The following SRSF6 variants were observed in gnomAD, a reference collection of about 807,000 sequenced individuals.
SRSF6 encodes the protein serine and arginine rich splicing factor 6, also known as serine/arginine-rich splicing factor 6.
In SRSF6, 17 loss-of-function variants were observed where a neutral mutation model predicts 42.0. That is an observed-to-expected ratio of 0.40 (90% CI 0.28 to 0.61). The LOEUF (loss-of-function observed/expected upper bound fraction) is 0.61, where lower values mean the gene tolerates loss of function less well. SRSF6 is among the 20% of genes least tolerant of loss of function. SRSF6 has a pLI of 0.37. For missense variants in SRSF6, 379 were observed against 471.4 expected (o/e 0.80, Z 1.81); for synonymous variants, 204 against 166.7 (o/e 1.22, Z -1.72).
In SRSF6 at chr20:43,462,510, T is replaced by C. The variant is rs1478029747; in HGVS notation, c.*1447T>C. The C allele has an allele frequency of 6.6e-6, 1 of 152,216 alleles. No homozygotes were observed. The highest frequency in any genetic ancestry group is 1.5e-5 in the Non-Finnish European group (1 of 68,048). 9.4% of individuals were successfully genotyped at this position (152,216 alleles called of 1,614,324 possible). A position where few individuals can be genotyped will look rare whatever the true frequency, so the allele number is the denominator to read the frequency against. On this transcript the variant is annotated 3_prime_UTR_variant, in exon 6 of 6. Transcript: ENST00000244020. The stretch of plus-strand genomic sequence containing the variant: ...TGTCACAATGTAGGGTACCAAGGGT[T>C]GGATTGTGATGGGGCATGGTCGTAC...
rs368218304 is a variant in SRSF6, at chr20:43,460,858, G to C, written c.830G>C (p.Arg277Pro). 3 of 1,614,064 alleles carry C rather than the reference G, an allele frequency of 1.9e-6. No homozygotes were observed. The highest frequency in any genetic ancestry group is 2.5e-6 in the Non-Finnish European group (3 of 1,180,040). ...DEYEKSRSRSRSRSPKENGKG... is the reference protein window; with the variant it reads ...DEYEKSRSRSPSRSPKENGKG... Reference sequence around the variant, plus strand: ...TATGAGAAATCTCGAAGCAGGTCTCGGTCCCGATCCCCTAAAGAAAATGGA... The same window carrying C: ...TATGAGAAATCTCGAAGCAGGTCTCCGTCCCGATCCCCTAAAGAAAATGGA... Residue 277 changes from arginine to proline, a missense_variant, in exon 6 of 6, where the codon CGG becomes CCG. This residue lies in a region of SRSF6 where 219 missense variants were observed against 216.1 expected (regional missense o/e 1.01). Coordinates refer to ENST00000244020, the MANE Select transcript of SRSF6 (RefSeq NM_006275.6).
intron 2 of SRSF6, 143 bp downstream of exon 2, chr20:43,458,652 G>C: frequency 1.2e-6 from 1 of 862,840 alleles, no homozygotes; most frequent in Non-Finnish European, 1.6e-6. Flanking sequence ...CTTCACGTCT[G>C]CCCGGGGCAG....
rs190033787 is a variant in SRSF6 at position 43,464,055 on chromosome 20, A to G, written c.*2992A>G. The G allele has an allele frequency of 6.6e-6, 1 of 152,338 alleles. No individual in the cohort carries two copies. Among genetic ancestry groups the G allele is most frequent in the East Asian group, 1.9e-4 (1 of 5,190 alleles). 9.4% of individuals were successfully genotyped at this position (152,338 alleles called of 1,614,324 possible). A position where few individuals can be genotyped will look rare whatever the true frequency, so the allele number is the denominator to read the frequency against. On this transcript the variant is annotated 3_prime_UTR_variant, in exon 6 of 6. Coordinates refer to ENST00000244020, the MANE Select transcript of SRSF6 (RefSeq NM_006275.6). ...GTTCATGCCCTGAGTAGTAGTCTGC[A>G]GTTTGCTTTAATACATGGTAATACA...
chr20:43,458,161 C>G, intron 1 of SRSF6, 21 bp downstream of exon 1: 2 of 1,603,670 alleles, frequency 1.2e-6, no homozygotes, highest in Non-Finnish European at 1.7e-6. Flanking sequence ...CCTGGGCGCC[C>G]GCGCCCAGCG....
In SRSF6 at chr20:43,461,337, GTTTTTTTTTTTTT is replaced by G. The variant is rs57110045; in HGVS notation, c.*299_*311del. The G allele has an allele frequency of 1.1e-3, 47 of 43,832 alleles. 1 individual carries two copies. The highest frequency in any genetic ancestry group is 3.4e-3 in the East Asian group (4 of 1,160). 2.7% of individuals were successfully genotyped at this position (43,832 alleles called of 1,614,324 possible). A position where few individuals can be genotyped will look rare whatever the true frequency, so the allele number is the denominator to read the frequency against. The stretch of plus-strand genomic sequence containing the variant: ...GTAAAGATTAAGCTCATTTAGTGTT[GTTTTTTTTTTTTT>G]TTTTTTTTTTTTTTTTTTTTTTTTA... On this transcript the variant is annotated 3_prime_UTR_variant, in exon 6 of 6. Transcript: ENST00000244020.
chr20:43,461,353 T>G lies in SRSF6; in HGVS notation c.*290T>G, dbSNP rs1418408343. On this transcript the variant is annotated 3_prime_UTR_variant, in exon 6 of 6. Coordinates refer to ENST00000244020, the MANE Select transcript of SRSF6 (RefSeq NM_006275.6). ...TTTAGTGTTGTTTTTTTTTTTTTTTTTTTTTTTTTTTTTTTTTTTTTAGTA... is the reference window on the plus strand; with the variant it reads ...TTTAGTGTTGTTTTTTTTTTTTTTTGTTTTTTTTTTTTTTTTTTTTTAGTA... 261 of 239,108 alleles carry G rather than the reference T, an allele frequency of 1.1e-3. 3 individuals are homozygous for G. The highest frequency in any genetic ancestry group is 6.1e-3 in the African/African-American group (235 of 38,518). 14.8% of individuals were successfully genotyped at this position (239,108 alleles called of 1,614,324 possible). A position where few individuals can be genotyped will look rare whatever the true frequency, so the allele number is the denominator to read the frequency against.
rs2017612666 is a variant in SRSF6 at position 43,462,122 on chromosome 20, A to G, written c.*1059A>G. ...CCACCCAGTAGTCAGTCCCCTTTGT[A>G]GTTAGTGGGATTATTTGATAATTGG... On this transcript the variant is annotated 3_prime_UTR_variant, in exon 6 of 6. Transcript: ENST00000244020. The G allele has an allele frequency of 6.6e-6, 1 of 152,194 alleles. No homozygotes were observed. Among genetic ancestry groups the G allele is most frequent in the Admixed American group, 6.5e-5 (1 of 15,272 alleles). 9.4% of individuals were successfully genotyped at this position (152,194 alleles called of 1,614,324 possible). A position where few individuals can be genotyped will look rare whatever the true frequency, so the allele number is the denominator to read the frequency against.
rs1199944944 is a variant in SRSF6, at chr20:43,461,839, A to G, written c.*776A>G. The G allele has an allele frequency of 6.6e-6, 1 of 152,466 alleles. No individual in the cohort carries two copies. The highest frequency in any genetic ancestry group is 2.1e-4 in the South Asian group (1 of 4,834). The allele number at this position is 152,466 out of a possible 1,614,324, so 9.4% of individuals were successfully genotyped here. On this transcript the variant is annotated 3_prime_UTR_variant, in exon 6 of 6. Transcript: ENST00000244020. ...AGTAATGGAACTTTTTTCAAAGGCA[A>G]ATTTAAACTATTTAAGAAATAGCTC...
Position 43,461,135 on chromosome 20 carries a change from C to T in SRSF6, c.*72C>T. Reference sequence around the variant, plus strand: ...AGGCAGTTACTCTTCCATGTTTATACTTGGCCTCTTCTGCAAGAGGAATCT... The same window carrying T: ...AGGCAGTTACTCTTCCATGTTTATATTTGGCCTCTTCTGCAAGAGGAATCT... On this transcript the variant is annotated 3_prime_UTR_variant, in exon 6 of 6. Coordinates refer to ENST00000244020, the MANE Select transcript of SRSF6 (RefSeq NM_006275.6). 1 of 1,476,890 alleles carries T rather than the reference C, an allele frequency of 6.8e-7. No homozygotes were observed. The highest frequency in any genetic ancestry group is 9.0e-7 in the Non-Finnish European group (1 of 1,116,404). The allele number at this position is 1,476,890 out of a possible 1,614,324, so 91.5% of individuals were successfully genotyped here. A position where few individuals can be genotyped will look rare whatever the true frequency, so the allele number is the denominator to read the frequency against.
intron 2 of SRSF6, 74 bp downstream of exon 2, chr20:43,458,583 G>T (rs1476950049): frequency 1.1e-5 from 15 of 1,369,552 alleles, no homozygotes; most frequent in African/African-American, 1.5e-5. Context: ...GGGCCTCCCA[G>T]CCCGGGCAGG....
rs1358966892 is a variant in SRSF6 at position 43,463,133 on chromosome 20, C to T, written c.*2070C>T. On this transcript the variant is annotated 3_prime_UTR_variant, in exon 6 of 6. Coordinates refer to ENST00000244020, the MANE Select transcript of SRSF6 (RefSeq NM_006275.6). Reference sequence around the variant, plus strand: ...ATCATATGGTAATAGACTGGTTTGACTATATTGTTAGCTGCCACAGTAAGC... The same window carrying T: ...ATCATATGGTAATAGACTGGTTTGATTATATTGTTAGCTGCCACAGTAAGC... The T allele has an allele frequency of 2.0e-5, 3 of 153,416 alleles. No homozygotes were observed. Among genetic ancestry groups the T allele is most frequent in the Middle Eastern group, 1.0e-3 (1 of 960 alleles). 9.5% of individuals were successfully genotyped at this position (153,416 alleles called of 1,614,324 possible).
At position 43,464,150 on chromosome 20, in the gene SRSF6, C is replaced by T. The variant is rs2017648616; in HGVS notation, c.*3087C>T. ...ATGATAAATTTTTTTTCAGAACCAA[C>T]AGTGTGAATAATCCTTTCAGTTGTC... On this transcript the variant is annotated 3_prime_UTR_variant, in exon 6 of 6. Coordinates refer to ENST00000244020, the MANE Select transcript of SRSF6 (RefSeq NM_006275.6). 6.6e-6 allele frequency: 1 copy of T among 152,088 alleles called. No homozygotes were observed. The highest frequency in any genetic ancestry group is 6.6e-5 in the Admixed American group (1 of 15,266). The allele number at this position is 152,088 out of a possible 1,614,324, so 9.4% of individuals were successfully genotyped here.
chr20:43,461,237 G>A lies in SRSF6; in HGVS notation c.*174G>A, dbSNP rs376266984. 1.6e-5 allele frequency: 13 copies of A among 795,342 alleles called. No individual in the cohort carries two copies. In the Admixed American group the frequency reaches 4.0e-4, roughly 24 times the overall value. The allele number at this position is 795,342 out of a possible 1,614,324, so 49.3% of individuals were successfully genotyped here. On this transcript the variant is annotated 3_prime_UTR_variant, in exon 6 of 6. Transcript: ENST00000244020. The stretch of plus-strand genomic sequence containing the variant: ...AAGATGAGGCTCTAAGGAAATGGTG[G>A]CATGAAGACCCTCTCCCTTCTTTGT...
In SRSF6 at chr20:43,461,030, A is replaced by G. The variant is rs2017580197; in HGVS notation, c.1002A>G (p.Ser334=). 4 of 1,601,266 alleles carry G rather than the reference A, an allele frequency of 2.5e-6. No individual in the cohort carries two copies. In the East Asian group the frequency reaches 6.7e-5, roughly 27 times the overall value. The change falls in exon 6 of 6, where the codon TCA becomes TCG. Residue 334 remains serine (S), a synonymous_variant. Transcript: ENST00000244020. ...CCCGTTCTAGATCTCGCTCAAAGTC[A>G]AGATCAAGGTCCAGGTCGAGTTCCA... ...SRSRSRSRSK[S]RSRSRSSSRD
chr20:43,458,295 C>T (rs1161673479), intron 1 of SRSF6, 66 bp from the exon 2 acceptor site: 4 of 1,423,264 alleles, frequency 2.8e-6, no homozygotes, highest in Admixed American at 6.3e-5. Flanking sequence ...GGGGTACGGG[C>T]GCGCGCACGT....
Position 43,460,983 on chromosome 20 carries a change from C to A in SRSF6, c.955C>A (p.Pro319Thr). 1 of 1,612,728 alleles carries A rather than the reference C, an allele frequency of 6.2e-7. No homozygotes were observed. The highest frequency in any genetic ancestry group is 8.5e-7 in the Non-Finnish European group (1 of 1,179,624). The change falls in exon 6 of 6, where the codon CCA (proline) becomes ACA (threonine). Residue 319 changes from proline (P) to threonine (T), a missense_variant. Transcript: ENST00000244020. ...PSKARSVSPPPKRATSRSRSR... is the reference protein window; with the variant it reads ...PSKARSVSPPTKRATSRSRSR... ...AAAGGCCCGTTCTGTGTCCCCTCCA[C>A]CAAAAAGAGCTACTTCAAGATCCCG...
chr20:43,460,719 A>G lies in SRSF6; in HGVS notation c.691A>G (p.Lys231Glu). 1 of 1,613,512 alleles carries G rather than the reference A, an allele frequency of 6.2e-7. No homozygotes were observed. Among genetic ancestry groups the G allele is most frequent in the South Asian group, 1.1e-5 (1 of 91,064 alleles). Residue 231 changes from lysine to glutamate, a missense_variant, in exon 6 of 6, where the codon AAA becomes GAA. Transcript: ENST00000244020. ...KSRSRSRSRSKGRSRSRSKGR... is the reference protein window; with the variant it reads ...KSRSRSRSRSEGRSRSRSKGR... ...CTTGTCCAGTTCCAGGTCGCGGAGC[A>G]AAGGTCGATCACGTTCTCGATCAAA...
At position 43,458,308 on chromosome 20, in the gene SRSF6, G is replaced by C; in HGVS notation, c.108-53G>C. ...GTGGGGTACGGGCGCGCGCACGTGCGCGTCCTGGCTAACGACTCCCCCGCG... is the reference window on the plus strand; with the variant it reads ...GTGGGGTACGGGCGCGCGCACGTGCCCGTCCTGGCTAACGACTCCCCCGCG... On this transcript the variant is annotated intron_variant, in intron 1 of 5. Transcript: ENST00000244020. The C allele has an allele frequency of 5.5e-6, 8 of 1,450,400 alleles. No homozygotes were observed. The South Asian group carries it at 8.4e-5, about 15-fold the overall frequency. The allele number at this position is 1,450,400 out of a possible 1,614,324, so 89.8% of individuals were successfully genotyped here.
At chr20:43,459,312 G>T (rs962369831) in intron 2 of SRSF6, 3 of 1,351,998 alleles carry the variant, frequency 2.2e-6, no homozygotes, top group Admixed American at 1.9e-5. Context: ...TAGACGCAGG[G>T]TGATGGTGAG....
Sources: gnomAD v4.1 joint callset for allele counts on GRCh38, gnomAD v4.1.1 for gene constraint, gnomAD v4.1.1 regional missense constraint, MANE v1.5 for transcripts, NCBI Gene and HGNC (gene_info 2026-07-23, HGNC 2026-07-21) for gene names.